The following NRK variants were observed in gnomAD, a reference collection of about 807,000 sequenced individuals.
NRK encodes the protein Nik related kinase.
In NRK, 67 loss-of-function variants were observed where a neutral mutation model predicts 125.2. The ratio of observed to expected loss-of-function variants is 0.54; its 90% CI spans 0.44 to 0.66. NRK has a LOEUF of 0.66. Ranked by LOEUF, NRK falls within the 30% of genes least tolerant of loss-of-function variation. NRK has a pLI of 0.00. For synonymous variants in NRK, 458 were observed against 429.0 expected, an observed-to-expected ratio of 1.07 and a Z score of -0.84; for missense variants, 1,224 against 1,192.9, an observed-to-expected ratio of 1.03 and a Z score of -0.38.
chrX:105,928,675 G>A (rs376046862), intron 19 of NRK, among the ~76,000 whole-genome samples: 6 of 110,649 alleles, frequency 5.4e-5, no homozygotes, highest in African/African-American at 2.0e-4. Context: ...ATAAGTTTTG[G>A]TGTGCTGTGT....
chrX:105,939,769 G>A lies in NRK; in HGVS notation c.3800-105G>A, dbSNP rs6523858. On this transcript the variant is annotated intron_variant, in intron 22 of 28. Transcript: ENST00000243300. ...CAGTTTTTTTTAAGGTGCTTTTTAC[G>A]TTAATAAAGATATTTTTAAAAGGCA... 0.021 allele frequency: 9,582 copies of A among 464,746 alleles called. 757 individuals carry two copies. In the African/African-American group the frequency reaches 0.22, roughly 11 times the overall value. The allele number at this position is 464,746 out of a possible 1,213,427, so 38.3% of individuals were successfully genotyped here.
At chrX:105,921,494 A>T (rs1041156592) in intron 16 of NRK, among the ~76,000 whole-genome samples, 11 of 109,116 alleles carry the variant, frequency 1.0e-4, no homozygotes, top group African/African-American at 3.7e-4. Context: ...AAAAAAAAAA[A>T]GATTGAAGAA....
chrX:105,847,222 A>G (rs971782603), intron 2 of NRK, among the ~76,000 whole-genome samples: 8 of 111,711 alleles, frequency 7.2e-5, no homozygotes, highest in African/African-American at 9.7e-5. Flanking sequence ...AATGTCTACA[A>G]CTCTCCCAGT....
intron 26 of NRK, among the ~76,000 whole-genome samples, chrX:105,947,172 G>A (rs1311883719): frequency 2.3e-5 from 2 of 86,965 alleles, no homozygotes; most frequent in Non-Finnish European, 4.2e-5. Context: ...TGTGAAATAC[G>A]GTGCAACACG....
At chrX:105,918,373 G>A (rs898145312) in intron 16 of NRK, among the ~76,000 whole-genome samples, 1 of 111,041 alleles carries the variant, frequency 9.0e-6, no homozygotes, top group South Asian at 3.7e-4. Flanking sequence ...GGGAAAAATG[G>A]CTGATTGAGT....
In NRK at chrX:105,873,472, A is replaced by G. The variant is rs963001842; in HGVS notation, c.124-6727A>G. 3.6e-5 allele frequency among the ~76,000 whole-genome samples: 4 copies of G among 111,644 alleles called. No individual in the cohort carries two copies. In the Admixed American group the frequency reaches 3.8e-4, roughly 11 times the overall value. On this transcript the variant is annotated intron_variant, in intron 2 of 28. Transcript: ENST00000243300. ...CCTGGGCTTTGCATCAGACCATTAA[A>G]TAACAAAACCCAGTCATAAAGTGAT...
chrX:105,831,017 TAAG>T (rs775301728), intron 1 of NRK, 34 bp from the exon 2 acceptor site: 3 of 863,528 alleles, frequency 3.5e-6, no homozygotes, highest in Non-Finnish European at 3.4e-6. Flanking sequence ...CCTAATTTCC[TAAG>T]AAGATTAACA....
rs1011676848 is a variant in NRK at position 105,909,861 on chromosome X, A to G, written c.2220A>G (p.Glu740=). The change falls in exon 13 of 29, where the codon GAA becomes GAG. Residue 740 remains glutamate, a synonymous_variant. Transcript: ENST00000243300. ...RWEDIFNQHE[E]ELRQVDKDKE... is the part of the protein sequence containing the mutation. The stretch of plus-strand genomic sequence containing the variant: ...AAGATATCTTTAATCAGCATGAGGA[A>G]GAATTGAGACAAGTTGATAAAGTAA... 1.8e-6 allele frequency: 2 copies of G among 1,142,781 alleles called. No homozygotes were observed. Among genetic ancestry groups the G allele is most frequent in the Non-Finnish European group, 2.3e-6 (2 of 859,026 alleles). The allele number at this position is 1,142,781 out of a possible 1,213,427, so 94.2% of individuals were successfully genotyped here.
chrX:105,888,948 A>G (rs2039982642), intron 5 of NRK, among the ~76,000 whole-genome samples: 1 of 111,012 alleles, frequency 9.0e-6, no homozygotes, highest in African/African-American at 3.3e-5. Flanking sequence ...GCCCCTCCCA[A>G]ATCTCATCTC....
intron 2 of NRK, among the ~76,000 whole-genome samples, chrX:105,853,441 C>T (rs186274486): frequency 2.7e-5 from 3 of 112,172 alleles, no homozygotes; most frequent in East Asian, 5.6e-4. Context: ...GAGAAAATCA[C>T]GTTTTCATTG....
intron 1 of NRK, among the ~76,000 whole-genome samples, chrX:105,830,314 CAAAAAAAAAAAAAAAAA>C (rs71932033): frequency 3.6e-4 from 4 of 11,041 alleles, no homozygotes; most frequent in East Asian, 3.9e-3. Context: ...AACTCCGTCG[CAAAAAAAAAAAAAAAAA>C]AAAAAAAAAA....
In NRK at chrX:105,953,050, G is replaced by C. The variant is rs759463167; in HGVS notation, c.4530G>C (p.Gln1510His). The C allele has an allele frequency of 8.4e-7, 1 of 1,185,089 alleles. No homozygotes were observed. Among genetic ancestry groups the C allele is most frequent in the Non-Finnish European group, 1.1e-6 (1 of 878,185 alleles). The change falls in exon 28 of 29, where the codon CAG (glutamine) becomes CAC (histidine). Residue 1510 changes from glutamine (Q) to histidine (H), a missense_variant. Coordinates refer to ENST00000243300, the MANE Select transcript of NRK (RefSeq NM_198465.4). ...IPSSIAFECT[Q>H]RTTGWGQKAI... Reference sequence around the variant, plus strand: ...GTATTGTAGCTTTTGAATGTACACAGCGAACCACAGGATGGGGCCAAAAGG... The same window carrying C: ...GTATTGTAGCTTTTGAATGTACACACCGAACCACAGGATGGGGCCAAAAGG...
intron 18 of NRK, among the ~76,000 whole-genome samples, chrX:105,924,467 T>C (rs780385898): frequency 9.0e-6 from 1 of 111,716 alleles, no homozygotes; most frequent in Non-Finnish European, 1.9e-5. Flanking sequence ...GCCATCCAAA[T>C]GCATCTGAGA....
chrX:105,870,858 A>C (rs182333613), intron 2 of NRK, among the ~76,000 whole-genome samples: 2 of 111,899 alleles, frequency 1.8e-5, no homozygotes, highest in Admixed American at 1.9e-4. Flanking sequence ...AGATTTCTGG[A>C]AGGGGAAAAA....
chrX:105,922,782 A>G (rs2040469424), intron 17 of NRK, among the ~76,000 whole-genome samples: 1 of 111,743 alleles, frequency 8.9e-6, no homozygotes, highest in Non-Finnish European at 1.9e-5. Flanking sequence ...GTCAGGGGAT[A>G]AAACAAAAGG....
Position 105,912,631 on chromosome X carries a change from TC to T in NRK, c.2242-15del, listed in dbSNP as rs1357929616. The stretch of plus-strand genomic sequence containing the variant: ...TTAACAACAATTAAAACAATTACTT[TC>T]CTTTTTGTTTCAAAGGACAAAGAAG... On this transcript the variant is annotated splice_polypyrimidine_tract_variant and intron_variant, in intron 13 of 28. Transcript: ENST00000243300. 1.4e-5 allele frequency: 13 copies of T among 896,570 alleles called. No homozygotes were observed. Among genetic ancestry groups the T allele is most frequent in the Non-Finnish European group, 2.0e-5 (13 of 656,077 alleles). 73.9% of individuals were successfully genotyped at this position (896,570 alleles called of 1,213,427 possible).
chrX:105,865,952 C>T (rs1380433545), intron 2 of NRK, among the ~76,000 whole-genome samples: 1 of 104,062 alleles, frequency 9.6e-6, no homozygotes, highest in Non-Finnish European at 1.9e-5. Flanking sequence ...CAGGAGCACT[C>T]GAGGTGGCAT....
intron 8 of NRK, among the ~76,000 whole-genome samples, chrX:105,900,193 C>T (rs901151887): frequency 2.9e-5 from 3 of 105,066 alleles, no homozygotes; most frequent in Admixed American, 1.0e-4. Context: ...CACACACACA[C>T]ATATCAGTCC....
At chrX:105,826,321 CAT>C (rs1458441328) in intron 1 of NRK, among the ~76,000 whole-genome samples, 3 of 80,191 alleles carry the variant, frequency 3.7e-5, no homozygotes, top group Admixed American at 1.6e-4. Flanking sequence ...ATATATATTT[CAT>C]ATATATAATA....
Sources: allele counts gnomAD v4.1 joint callset (sites outside exome capture counted in the v4.1 genomes callset), GRCh38; gene constraint gnomAD v4.1.1; transcripts MANE v1.5; gene names NCBI Gene and HGNC (gene_info 2026-07-23, HGNC 2026-07-21).